The following MYOM1 variants were observed in gnomAD, a reference collection of about 807,000 sequenced individuals.
MYOM1 encodes myomesin-1.
MYOM1 carries 164 observed loss-of-function variants against 205.3 expected under a neutral mutation model. The observed-to-expected ratio is 0.80, with a 90% confidence interval of 0.70 to 0.91. MYOM1 has a LOEUF of 0.91. Ranked by LOEUF, MYOM1 falls within the 40% of genes least tolerant of loss-of-function variation. MYOM1 has a pLI of 0.00. For missense variants in MYOM1, 2,011 were observed against 2,127.3 expected (o/e 0.95, Z 1.08); for synonymous variants, 772 against 789.4 (o/e 0.98, Z 0.37).
rs1364266971 is a variant in MYOM1, at chr18:3,069,391, G to T, written c.4765-1836C>A. Among the ~76,000 whole-genome samples, 3 of 152,204 alleles carry T rather than the reference G, an allele frequency of 2.0e-5. No homozygotes were observed. In the East Asian group the frequency reaches 5.8e-4, roughly 29 times the overall value. ...CAGATGTGATAAGGAAAGAACTAGG[G>T]CTCACAATGTACAGAGAAAGAACAC... On this transcript the variant is annotated intron_variant, in intron 37 of 37. Coordinates refer to ENST00000356443, the MANE Select transcript of MYOM1 (RefSeq NM_003803.4).
At chr18:3,076,792 C>T (rs1392028761) in intron 34 of MYOM1, among the ~76,000 whole-genome samples, 1 of 149,576 alleles carries the variant, frequency 6.7e-6, no homozygotes, top group East Asian at 2.0e-4. Flanking sequence ...CGGCTCACTG[C>T]AACCTCCACC....
Position 3,067,562 on chromosome 18 carries a change from G to C in MYOM1, c.4765-7C>G. ...TGCAAGTGAGATTAAGGGCCTGCAA[G>C]ACAGGTTTTATGGGAGAGAAGAAGA... is the stretch of plus-strand genomic sequence containing the variant. On this transcript the variant is annotated splice_polypyrimidine_tract_variant and splice_region_variant and intron_variant, in intron 37 of 37. Coordinates refer to ENST00000356443, the MANE Select transcript of MYOM1 (RefSeq NM_003803.4). 6.2e-7 allele frequency: 1 copy of C among 1,608,878 alleles called. No individual in the cohort carries two copies. The highest frequency in any genetic ancestry group is 8.5e-7 in the Non-Finnish European group (1 of 1,176,132).
At chr18:3,089,955 T>C (rs1376049968) in intron 27 of MYOM1, among the ~76,000 whole-genome samples, 2 of 152,240 alleles carry the variant, frequency 1.3e-5, no homozygotes, top group Non-Finnish European at 2.9e-5. Context: ...GCACTACTTT[T>C]GCATATTTTT....
rs2081169491 is a variant in MYOM1 at position 3,209,810 on chromosome 18, A to G, written c.290+5124T>C. Among the ~76,000 whole-genome samples the G allele has an allele frequency of 6.6e-6, 1 of 152,138 alleles. No homozygotes were observed. Among genetic ancestry groups the G allele is most frequent in the Admixed American group, 6.5e-5 (1 of 15,280 alleles). Reference sequence around the variant, plus strand: ...CCTGCACTCTTGGCCCATGTCCCTGATCTCTCTTACCCTGCTCTGTTTCTT... The same window carrying G: ...CCTGCACTCTTGGCCCATGTCCCTGGTCTCTCTTACCCTGCTCTGTTTCTT... On this transcript the variant is annotated intron_variant, in intron 2 of 37. Coordinates refer to ENST00000356443, the MANE Select transcript of MYOM1 (RefSeq NM_003803.4). This position sits in a 1 kb window ranked among gnomAD's most constrained non-coding sequence, Gnocchi z 4.0.
At chr18:3,191,987 T>C (rs62076880) in intron 3 of MYOM1, among the ~76,000 whole-genome samples, 11,979 of 152,202 alleles carry the variant, frequency 0.079, 601 homozygotes, top group African/African-American at 0.14. Flanking sequence ...TGAGCCACCG[T>C]GCCTGGCCTC....
the MYOM1 span, among the ~76,000 whole-genome samples, chr18:3,230,229 T>C: frequency 1.3e-5 from 2 of 152,198 alleles, no homozygotes; most frequent in African/African-American, 4.8e-5. Flanking sequence ...TTTTATATAT[T>C]TGTTACAAAA....
At chr18:3,120,644 A>C (rs2079676640) in intron 19 of MYOM1, among the ~76,000 whole-genome samples, 1 of 152,140 alleles carries the variant, frequency 6.6e-6, no homozygotes, top group Non-Finnish European at 1.5e-5. Context: ...TGATACAACA[A>C]ATGTGCATTG....
intron 37 of MYOM1, 53 bp from the exon 38 acceptor site, chr18:3,067,608 C>T: frequency 6.4e-7 from 1 of 1,560,980 alleles, no homozygotes; most frequent in Non-Finnish European, 8.7e-7. Flanking sequence ...GTAATAGACA[C>T]ACTGTCAACA....
intron 5 of MYOM1, among the ~76,000 whole-genome samples, chr18:3,182,432 A>G (rs73940115): frequency 6.6e-6 from 1 of 152,340 alleles, no homozygotes; most frequent in African/African-American, 2.4e-5. Flanking sequence ...TTAAAGTATT[A>G]TAATAATAAT....
At chr18:3,166,999 A>C (rs1463062998) in intron 9 of MYOM1, among the ~76,000 whole-genome samples, 2 of 152,262 alleles carry the variant, frequency 1.3e-5, no homozygotes, top group Non-Finnish European at 2.9e-5. Flanking sequence ...ATCTTCTGTT[A>C]GCTAGGAGCT....
intron 33 of MYOM1, among the ~76,000 whole-genome samples, chr18:3,083,082 TGTGG>T (rs2143677667): frequency 6.6e-6 from 1 of 152,360 alleles, no homozygotes; most frequent in East Asian, 1.9e-4. Flanking sequence ...AAGGTAAGAA[TGTGG>T]CTCCAGATGC....
At position 3,156,950 on chromosome 18, in the gene MYOM1, G is replaced by A. The variant is rs114623254; in HGVS notation, c.1502-1862C>T. ...CCAGGCTTTCAGAGCACTGGATGGC[G>A]GAGAGTGGGGCTGCTGATGGCAAAG... On this transcript the variant is annotated intron_variant, in intron 10 of 37. Transcript: ENST00000356443. 6.3e-3 allele frequency among the ~76,000 whole-genome samples: 959 copies of A among 152,310 alleles called. 12 individuals carry two copies. The highest frequency in any genetic ancestry group is 0.022 in the African/African-American group (896 of 41,570).
rs1378806386 is a variant in MYOM1, at chr18:3,083,811, A to C, written c.4462T>G (p.Leu1488Val). 2.5e-6 allele frequency: 4 copies of C among 1,574,272 alleles called. No homozygotes were observed. Among genetic ancestry groups the C allele is most frequent in the African/African-American group, 1.3e-5 (1 of 74,130 alleles). Residue 1488 changes from leucine (L) to valine (V), a missense_variant, in exon 33 of 38, where the codon TTG becomes GTG. By Grantham distance (32) the Leu-to-Val change is conservative (BLOSUM62 1). Transcript: ENST00000356443. ...TACTTGTGGGACCAGTTAACTTTCA[A>C]ATCCTCCACATAGTAAGTTACAAAA... ...YSFVTYYVED[L>V]KVNWSHNGSA...
chr18:3,173,614 G>A (rs899185267), intron 8 of MYOM1, among the ~76,000 whole-genome samples: 4 of 148,336 alleles, frequency 2.7e-5, no homozygotes, highest in Non-Finnish European at 6.0e-5. Flanking sequence ...GTGTGTGTGT[G>A]TGTGTTTGGT....
rs1262280948 is a variant in MYOM1 at position 3,179,270 on chromosome 18, G to A, written c.930-3136C>T. Among the ~76,000 whole-genome samples, 1 of 152,148 alleles carries A rather than the reference G, an allele frequency of 6.6e-6. No homozygotes were observed. Among genetic ancestry groups the A allele is most frequent in the African/African-American group, 2.4e-5 (1 of 41,426 alleles). On this transcript the variant is annotated intron_variant, in intron 5 of 37. Coordinates refer to ENST00000356443, the MANE Select transcript of MYOM1 (RefSeq NM_003803.4). This position sits in a 1 kb window ranked among gnomAD's most constrained non-coding sequence, Gnocchi z 4.4. ...AAATTTGGTTGAACAGAATTAGCAC[G>A]TAATGCAATAGATTAATTGTAGCTT...
the MYOM1 span, chr18:3,247,141 G>A: frequency 6.6e-6 from 1 of 152,274 alleles, no homozygotes; most frequent in African/African-American, 2.4e-5. Flanking sequence ...TTTTTCAAGA[G>A]GAAGTCTCCA....
intron 10 of MYOM1, among the ~76,000 whole-genome samples, chr18:3,162,837 A>G (rs1269500875): frequency 2.6e-5 from 4 of 152,144 alleles, no homozygotes; most frequent in Non-Finnish European, 4.4e-5. Context: ...CATCCTGGCT[A>G]ACACGGTGAA....
rs543907342 is a variant in MYOM1 at position 3,153,382 on chromosome 18, G to A, written c.1644-1489C>T. Among the ~76,000 whole-genome samples, 74 of 152,256 alleles carry A rather than the reference G, an allele frequency of 4.9e-4. 1 individual carries two copies. The South Asian group carries it at 0.015, about 30-fold the overall frequency. ...AATAATAGCAACGACCTTAAAGGGCGGTTATGGGTTAGTGGTTAATATATG... is the reference window on the plus strand; with the variant it reads ...AATAATAGCAACGACCTTAAAGGGCAGTTATGGGTTAGTGGTTAATATATG... On this transcript the variant is annotated intron_variant, in intron 11 of 37. Coordinates refer to ENST00000356443, the MANE Select transcript of MYOM1 (RefSeq NM_003803.4).
rs1482296191 is a variant in MYOM1 at position 3,168,827 on chromosome 18, C to T, written c.1329G>A (p.Trp443Ter). Reference protein sequence around the residue: ...EIKHFQPEIQWYRNGVPLSPS... With the variant: ...EIKHFQPEIQ ...ATTGTAAAGACTCACCGTTTCTGTACCACTGGATCTCTGGCTGGAAATGTT... is the reference window on the plus strand; with the variant it reads ...ATTGTAAAGACTCACCGTTTCTGTATCACTGGATCTCTGGCTGGAAATGTT... The change falls in exon 9 of 38, where the codon TGG becomes TGA. Residue 443 changes from tryptophan to a stop codon, truncating the protein, a stop_gained. Coordinates refer to ENST00000356443, the MANE Select transcript of MYOM1 (RefSeq NM_003803.4). LOFTEE classifies it high-confidence loss of function. 4.3e-6 allele frequency: 7 copies of T among 1,613,848 alleles called. No individual in the cohort carries two copies. In the Admixed American group the frequency reaches 6.7e-5, roughly 15 times the overall value.
Sources: gnomAD v4.1 joint callset for allele counts (sites outside exome capture counted in the v4.1 genomes callset) on GRCh38, gnomAD v4.1.1 for gene constraint, Gnocchi (gnomAD v3.1) non-coding constraint, MANE v1.5 for transcripts, NCBI Gene and HGNC (gene_info 2026-07-23, HGNC 2026-07-21) for gene names.